The following NOSTRIN variants were observed in gnomAD, a reference collection of about 807,000 sequenced individuals.
The protein encoded by NOSTRIN is nitric oxide synthase trafficking.
NOSTRIN carries 63 observed loss-of-function variants against 59.0 expected under a neutral mutation model. The observed-to-expected ratio is 1.07, with a 90% confidence interval of 0.87 to 1.32. The LOEUF (loss-of-function observed/expected upper bound fraction) is 1.32, where lower values mean the gene tolerates loss of function less well. Among genes scored for constraint, NOSTRIN ranks in the 40% most tolerant of loss-of-function variants. The pLI, the probability that NOSTRIN is intolerant of heterozygous loss-of-function variation, is 0.00. For missense variants in NOSTRIN, 512 were observed against 473.1 expected, an observed-to-expected ratio of 1.08 and a Z score of -0.76; for synonymous variants, 200 against 165.4, an observed-to-expected ratio of 1.21 and a Z score of -1.61.
At chr2:168,846,105 G>A (rs1688404432) in intron 8 of NOSTRIN, among the ~76,000 whole-genome samples, 1 of 152,068 alleles carries the variant, frequency 6.6e-6, no homozygotes, top group African/African-American at 2.4e-5. Context: ...TATTTCCTGG[G>A]CTTGTGTATA....
chr2:168,865,007 A>G lies in NOSTRIN; in HGVS notation c.*37A>G. The G allele has an allele frequency of 6.2e-7, 1 of 1,608,864 alleles. No homozygotes were observed. The highest frequency in any genetic ancestry group is 8.5e-7 in the Non-Finnish European group (1 of 1,176,910). Reference sequence around the variant, plus strand: ...GAACATACTACCTTCACACTCGGTAATCAACAATACAGTGTGGTTCAAATA... The same window carrying G: ...GAACATACTACCTTCACACTCGGTAGTCAACAATACAGTGTGGTTCAAATA... On this transcript the variant is annotated 3_prime_UTR_variant, in exon 16 of 16. Transcript: ENST00000317647.
chr2:168,811,635 A>G lies in NOSTRIN; in HGVS notation c.96A>G (p.Thr32=). ...GAGAGAATTTCTGCAAACAGGTCAC[A>G]TCTGTTCTTCAGCAAAGGTACAAAA... The part of the protein sequence containing the change: ...QNGENFCKQV[T]SVLQQRANLE... Residue 32 remains threonine, a synonymous_variant, in exon 2 of 16, where the codon ACA becomes ACG. Coordinates refer to ENST00000317647, the MANE Select transcript of NOSTRIN (RefSeq NM_001039724.4). 1.2e-6 allele frequency: 1 copy of G among 860,520 alleles called. No individual in the cohort carries two copies. The highest frequency in any genetic ancestry group is 2.0e-6 in the Non-Finnish European group (1 of 497,404). The allele number at this position is 860,520 out of a possible 1,614,324, so 53.3% of individuals were successfully genotyped here.
At chr2:168,811,819 C>T (rs1449514686) in intron 2 of NOSTRIN, 167 bp downstream of exon 2, 5 of 459,706 alleles carry the variant, frequency 1.1e-5, no homozygotes, top group Non-Finnish European at 1.9e-5. Context: ...CATTTATCAA[C>T]TGGATGCCAT....
In NOSTRIN at chr2:168,851,193, A is replaced by G. The variant is rs756766126; in HGVS notation, c.729+11A>G. ...CAAACCCTGACCACAGTGAGTAGAG[A>G]TGATCTCTCCATTTCTGGTATGCCT... On this transcript the variant is annotated intron_variant, in intron 9 of 15. Coordinates refer to ENST00000317647, the MANE Select transcript of NOSTRIN (RefSeq NM_001039724.4). 6 of 1,614,192 alleles carry G rather than the reference A, an allele frequency of 3.7e-6. No individual in the cohort carries two copies. Among genetic ancestry groups the G allele is most frequent in the East Asian group, 2.2e-5 (1 of 44,892 alleles).
In NOSTRIN at chr2:168,845,474, G is replaced by A. The variant is rs1056648042; in HGVS notation, c.630+2357G>A. 7.2e-5 allele frequency among the ~76,000 whole-genome samples: 11 copies of A among 152,348 alleles called. No homozygotes were observed. The East Asian group carries it at 1.9e-3, about 27-fold the overall frequency. On this transcript the variant is annotated intron_variant, in intron 8 of 15. Coordinates refer to ENST00000317647, the MANE Select transcript of NOSTRIN (RefSeq NM_001039724.4). Reference sequence around the variant, plus strand: ...GGGAGATAAATGGGTCCTACCTGGTGTAGCTGATAACTAGCTTGCCTTCTT... The same window carrying A: ...GGGAGATAAATGGGTCCTACCTGGTATAGCTGATAACTAGCTTGCCTTCTT...
At chr2:168,818,833 A>AT (rs1417994508) in intron 2 of NOSTRIN, among the ~76,000 whole-genome samples, 1 of 81,736 alleles carries the variant, frequency 1.2e-5, no homozygotes, top group Non-Finnish European at 2.6e-5. Context: ...TTTTTAGCAT[A>AT]TTAAAAAATT....
Position 168,851,146 on chromosome 2 carries a change from C to A in NOSTRIN, c.693C>A (p.Ser231Arg). ...TATGCAATAACTTAAACCAGTACAG[C>A]CAACATATTTCTCTTTTTGGCCAAA... ...QLLCNNLNQY[S>R]QHISLFGQTL... The change falls in exon 9 of 16, where the codon AGC becomes AGA. Residue 231 changes from serine (S) to arginine (R), a missense_variant. Physicochemically the swap from Ser to Arg is moderately radical, Grantham distance 110. Transcript: ENST00000317647. The A allele has an allele frequency of 1.2e-6, 2 of 1,609,048 alleles. No homozygotes were observed. Among genetic ancestry groups the A allele is most frequent in the Non-Finnish European group, 1.7e-6 (2 of 1,175,318 alleles).
At chr2:168,796,998 G>A (rs1422185523), upstream of NOSTRIN, among the ~76,000 whole-genome samples, 1 of 151,810 alleles carries the variant, frequency 6.6e-6, no homozygotes, top group Non-Finnish European at 1.5e-5. Flanking sequence ...CAGATACTTG[G>A]CTATGAGGAG....
Position 168,851,317 on chromosome 2 carries a change from C to T in NOSTRIN, c.768C>T (p.Asp256=), listed in dbSNP as rs35477906. The T allele has an allele frequency of 1.5e-3, 2,384 of 1,613,526 alleles. 15 individuals carry two copies. The highest frequency in any genetic ancestry group is 0.014 in the African/African-American group (1,057 of 74,944). Residue 256 remains aspartate (D), a synonymous_variant, in exon 10 of 16, where the codon GAC becomes GAT. Transcript: ENST00000317647. The part of the protein sequence containing the change: ...TQIHCAISKI[D]IEKDIQAVME... ...TTCACTGTGCCATCAGCAAGATTGA[C>T]ATTGAAAAAGATATCCAGGCTGTAA... is the stretch of plus-strand genomic sequence containing the variant.
At chr2:168,864,505 C>T (rs1377449778) in intron 15 of NOSTRIN, among the ~76,000 whole-genome samples, 2 of 49,746 alleles carry the variant, frequency 4.0e-5, no homozygotes, top group East Asian at 1.0e-3. Flanking sequence ...AGGCTGGTCT[C>T]GAAACTCCTG....
intron 2 of NOSTRIN, among the ~76,000 whole-genome samples, chr2:168,823,975 TA>T: frequency 6.6e-6 from 1 of 152,120 alleles, no homozygotes; most frequent in Non-Finnish European, 1.5e-5. Flanking sequence ...CTTGAGAGGC[TA>T]AGGCAAAAGA....
intron 2 of NOSTRIN, among the ~76,000 whole-genome samples, chr2:168,817,629 G>A (rs1310403046): frequency 1.3e-5 from 2 of 152,050 alleles, no homozygotes; most frequent in Admixed American, 1.3e-4. Context: ...CTAAGCTTAG[G>A]AATGAATGCA....
chr2:168,841,235 CA>C (rs57480764), intron 7 of NOSTRIN, among the ~76,000 whole-genome samples: 314 of 106,424 alleles, frequency 3.0e-3, no homozygotes, highest in African/African-American at 9.8e-3. Flanking sequence ...ACCCTGTCTC[CA>C]AAAAAAAAAA....
chr2:168,860,755 A>G, intron 13 of NOSTRIN, 40 bp from the exon 14 acceptor site: 1 of 1,200,222 alleles, frequency 8.3e-7, no homozygotes, highest in Non-Finnish European at 1.2e-6. Context: ...GTTTATGATA[A>G]TCGTGTTACA....
At chr2:168,824,328 T>C (rs1409691166) in intron 2 of NOSTRIN, among the ~76,000 whole-genome samples, 1 of 151,954 alleles carries the variant, frequency 6.6e-6, no homozygotes, top group African/African-American at 2.4e-5. Context: ...AGATGGAGTC[T>C]CGCTTTGTCA....
At chr2:168,834,597 G>T in intron 7 of NOSTRIN, among the ~76,000 whole-genome samples, 1 of 150,422 alleles carries the variant, frequency 6.6e-6, no homozygotes, top group Non-Finnish European at 1.5e-5. Context: ...ATCTCACTGT[G>T]CTGCCCAGGC....
intron 7 of NOSTRIN, among the ~76,000 whole-genome samples, chr2:168,840,399 A>G (rs1024958515): frequency 1.1e-4 from 16 of 152,050 alleles, no homozygotes; most frequent in African/African-American, 3.4e-4. Flanking sequence ...GCGTGGTGGC[A>G]GGCACCTGTA....
chr2:168,789,614 A>G (rs923142112), intron 2 of NOSTRIN, among the ~76,000 whole-genome samples: 4 of 152,146 alleles, frequency 2.6e-5, no homozygotes, highest in South Asian at 2.1e-4. Context: ...TGTGCCTCCT[A>G]TTGATTAAAC....
chr2:168,862,702 G>A (rs188555437), intron 15 of NOSTRIN, among the ~76,000 whole-genome samples: 8 of 152,204 alleles, frequency 5.3e-5, no homozygotes, highest in Admixed American at 2.0e-4. Flanking sequence ...ATTACGTAGT[G>A]GCTTTATAAT....
Sources: gnomAD v4.1 joint callset for allele counts (sites outside exome capture counted in the v4.1 genomes callset) on GRCh38, gnomAD v4.1.1 for gene constraint, MANE v1.5 for transcripts, NCBI Gene and HGNC (gene_info 2026-07-23, HGNC 2026-07-21) for gene names.